ICAM5: variants seen among roughly 807,000 people sequenced by gnomAD.
ICAM5 encodes ICAM-5.
ICAM5 carries 38 observed loss-of-function variants against 78.8 expected under a neutral mutation model. That is an observed-to-expected ratio of 0.48 (90% CI 0.37 to 0.63). The LOEUF (loss-of-function observed/expected upper bound fraction) is 0.63, where lower values mean the gene tolerates loss of function less well. Among genes scored for constraint, ICAM5 ranks in the 30% least tolerant of loss-of-function variants. The pLI is 0.00. For missense variants in ICAM5, 1,059 were observed against 1,303.0 expected (o/e 0.81, Z 2.88); for synonymous variants, 544 against 590.9 (o/e 0.92, Z 1.15).
Position 10,294,234 on chromosome 19 carries a change from A to G in ICAM5, c.1906A>G (p.Arg636Gly), listed in dbSNP as rs778978320. The part of the protein sequence containing the change: ...DPSPRAPRIP[R>G]VLAPGIYVCN... The stretch of plus-strand genomic sequence containing the variant: ...TAGTCCCAGAGCTCCCAGAATCCCT[A>G]GAGTCCTGGCACCCGGTATCTACGT... Residue 636 changes from arginine (R) to glycine (G), a missense_variant, in exon 8 of 11, where the codon AGA becomes GGA. Arg to Gly is a moderately radical substitution (Grantham distance 125). Around this residue, in one of 3 missense-constraint regions of ICAM5, gnomAD observed 815 missense variants for 952.8 expected, o/e 0.86. Transcript: ENST00000221980. The surrounding 1 kb of genome is among the most constrained non-coding windows in gnomAD (Gnocchi z 7.7). 5.0e-6 allele frequency: 8 copies of G among 1,613,768 alleles called. No individual in the cohort carries two copies. In the Admixed American group the frequency reaches 1.2e-4, roughly 24 times the overall value.
chr19:10,291,764 G>A lies in ICAM5; in HGVS notation c.628G>A (p.Gly210Arg), dbSNP rs2040175180. 2 of 1,612,438 alleles carry A rather than the reference G, an allele frequency of 1.2e-6. No homozygotes were observed. Among genetic ancestry groups the A allele is most frequent in the African/African-American group, 1.3e-5 (1 of 74,896 alleles). The change falls in exon 3 of 11, where the codon GGA (glycine) becomes AGA (arginine). Residue 210 changes from glycine to arginine, a missense_variant. Physicochemically the swap from Gly to Arg is moderately radical, Grantham distance 125 (BLOSUM62 -2). Around this residue, in one of 3 missense-constraint regions of ICAM5, gnomAD observed 815 missense variants for 952.8 expected, o/e 0.86. Coordinates refer to ENST00000221980, the MANE Select transcript of ICAM5 (RefSeq NM_003259.4). ...AELDLRPHGLGLFENSSAPRE... is the reference protein window; with the variant it reads ...AELDLRPHGLRLFENSSAPRE... ...GCTGGACCTGCGGCCGCACGGACTGGGACTGTTTGAAAACAGCTCGGCCCC... is the reference window on the plus strand; with the variant it reads ...GCTGGACCTGCGGCCGCACGGACTGAGACTGTTTGAAAACAGCTCGGCCCC...
rs1258819000 is a variant in ICAM5, at chr19:10,296,485, G to A, written c.2644G>A (p.Val882Met). 3 of 1,283,990 alleles carry A rather than the reference G, an allele frequency of 2.3e-6. No homozygotes were observed. The highest frequency in any genetic ancestry group is 3.1e-5 in the African/African-American group (2 of 64,082). The allele number at this position is 1,283,990 out of a possible 1,614,324, so 79.5% of individuals were successfully genotyped here. ...VQEAESSGEA[V>M]CLNGAGGGAG... ...GGAGGCCGAGAGCTCAGGCGAGGCCGTGTGTCTGAACGGAGCGGGCGGCGG... is the reference window on the plus strand; with the variant it reads ...GGAGGCCGAGAGCTCAGGCGAGGCCATGTGTCTGAACGGAGCGGGCGGCGG... Residue 882 changes from valine to methionine, a missense_variant, in exon 11 of 11, where the codon GTG becomes ATG. By Grantham distance (21) the Val-to-Met change is conservative (BLOSUM62 1). This residue lies in a region of ICAM5 where 109 missense variants were observed against 120.0 expected (regional missense o/e 0.91). Coordinates refer to ENST00000221980, the MANE Select transcript of ICAM5 (RefSeq NM_003259.4).
Position 10,292,978 on chromosome 19 carries a change from A to G in ICAM5, c.1217-20A>G. Reference sequence around the variant, plus strand: ...CATTTCTTACGTCTAAGCCTCTGTAACCCCACGCCCTGCCCGCAGACGCTC... The same window carrying G: ...CATTTCTTACGTCTAAGCCTCTGTAGCCCCACGCCCTGCCCGCAGACGCTC... On this transcript the variant is annotated intron_variant, in intron 5 of 10. Coordinates refer to ENST00000221980, the MANE Select transcript of ICAM5 (RefSeq NM_003259.4). 2 of 1,610,366 alleles carry G rather than the reference A, an allele frequency of 1.2e-6. No homozygotes were observed. Among genetic ancestry groups the G allele is most frequent in the Non-Finnish European group, 1.7e-6 (2 of 1,179,708 alleles).
chr19:10,293,998 C>T lies in ICAM5; in HGVS notation c.1712-42C>T, dbSNP rs1168243743. 1.9e-6 allele frequency: 3 copies of T among 1,593,782 alleles called. No individual in the cohort carries two copies. In the African/African-American group the frequency reaches 4.0e-5, roughly 21 times the overall value. Reference sequence around the variant, plus strand: ...GATCTGTGGGACAACCCCGGCTGGACTTCCTGGCCCCCGTGTGAGCCCCTG... The same window carrying T: ...GATCTGTGGGACAACCCCGGCTGGATTTCCTGGCCCCCGTGTGAGCCCCTG... On this transcript the variant is annotated intron_variant, in intron 7 of 10. Transcript: ENST00000221980. This position sits in a 1 kb window ranked among gnomAD's most constrained non-coding sequence, Gnocchi z 5.0.
chr19:10,295,049 T>A (rs531033540), intron 9 of ICAM5, among the ~76,000 whole-genome samples: 1 of 152,200 alleles, frequency 6.6e-6, no homozygotes, highest in Admixed American at 6.5e-5. Context: ...AGAGTGAGAC[T>A]CTTTCTTAGA....
At chr19:10,291,406 G>C in intron 2 of ICAM5, 65 bp downstream of exon 2, 1 of 1,605,878 alleles carries the variant, frequency 6.2e-7, no homozygotes, top group East Asian at 2.2e-5. Flanking sequence ...CCGCCCCCTG[G>C]GTCCCAGGGT....
chr19:10,292,431 G>A (rs1418234045), intron 4 of ICAM5, 109 bp downstream of exon 4: 9 of 1,398,612 alleles, frequency 6.4e-6, no homozygotes, highest in South Asian at 1.4e-5. Flanking sequence ...TGGCCCGAGG[G>A]GCGGGGCAGG....
chr19:10,290,458 C>T lies in ICAM5; in HGVS notation c.82+333C>T, dbSNP rs1360277448. 3 of 286,588 alleles carry T rather than the reference C, an allele frequency of 1.0e-5. No individual in the cohort carries two copies. Among genetic ancestry groups the T allele is most frequent in the Non-Finnish European group, 2.0e-5 (3 of 153,628 alleles). 17.8% of individuals were successfully genotyped at this position (286,588 alleles called of 1,614,324 possible). A position where few individuals can be genotyped will look rare whatever the true frequency, so the allele number is the denominator to read the frequency against. ...CATGGTCCACGGACTGGCATCTTCC[C>T]CACTCGCGGTCCGCGAAGACTCCAT... On this transcript the variant is annotated intron_variant, in intron 1 of 10. Coordinates refer to ENST00000221980, the MANE Select transcript of ICAM5 (RefSeq NM_003259.4). This position sits in a 1 kb window ranked among gnomAD's most constrained non-coding sequence, Gnocchi z 5.7.
chr19:10,294,475 G>A lies in ICAM5; in HGVS notation c.2065G>A (p.Ala689Thr). The A allele has an allele frequency of 6.2e-7, 1 of 1,608,108 alleles. No individual in the cohort carries two copies. Among genetic ancestry groups the A allele is most frequent in the Non-Finnish European group, 8.5e-7 (1 of 1,176,516 alleles). Residue 689 changes from alanine (A) to threonine (T), a missense_variant, in exon 9 of 11, where the codon GCC becomes ACC. Physicochemically the swap from Ala to Thr is moderately conservative, Grantham distance 58. Around this residue, in one of 3 missense-constraint regions of ICAM5, gnomAD observed 815 missense variants for 952.8 expected, o/e 0.86. Coordinates refer to ENST00000221980, the MANE Select transcript of ICAM5 (RefSeq NM_003259.4). This position sits in a 1 kb window ranked among gnomAD's most constrained non-coding sequence, Gnocchi z 7.7. Reference protein sequence around the residue: ...WLEGAEASALACAARGRPSPG... With the variant: ...WLEGAEASALTCAARGRPSPG... ...GGAAGGGGCTGAGGCTTCCGCGCTG[G>A]CCTGCGCCGCCCGGGGTCGCCCTTC...
rs1311510271 is a variant in ICAM5, at chr19:10,293,041, G to A, written c.1260G>A (p.Thr420=). ...ATTCGGACTGCCCCAGGAGTTGGAC[G>A]TGGCCCGAGGGCCCAGAGCAGACGC... ...LDDSDCPRSW[T]WPEGPEQTLR... is the part of the protein sequence containing the mutation. Residue 420 remains threonine, a synonymous_variant, in exon 6 of 11, where the codon ACG becomes ACA. Transcript: ENST00000221980. This position sits in a 1 kb window ranked among gnomAD's most constrained non-coding sequence, Gnocchi z 5.0. 2 of 1,610,710 alleles carry A rather than the reference G, an allele frequency of 1.2e-6. No homozygotes were observed. Among genetic ancestry groups the A allele is most frequent in the East Asian group, 2.2e-5 (1 of 44,886 alleles).
Position 10,293,953 on chromosome 19 carries a change from G to C in ICAM5, c.1711+10G>C. The C allele has an allele frequency of 6.2e-7, 1 of 1,610,876 alleles. No homozygotes were observed. Among genetic ancestry groups the C allele is most frequent in the South Asian group, 1.1e-5 (1 of 90,960 alleles). On this transcript the variant is annotated intron_variant, in intron 7 of 10. Transcript: ENST00000221980. The surrounding 1 kb of genome is among the most constrained non-coding windows in gnomAD (Gnocchi z 5.0). Reference sequence around the variant, plus strand: ...GCCGTCACGGTGGAATGTGAGTAGGGGCACCGCGGAGTTAGGCAGGATCTG... The same window carrying C: ...GCCGTCACGGTGGAATGTGAGTAGGCGCACCGCGGAGTTAGGCAGGATCTG...
chr19:10,295,980 G>T (rs897405822), intron 10 of ICAM5, among the ~76,000 whole-genome samples: 3 of 152,120 alleles, frequency 2.0e-5, no homozygotes, highest in Non-Finnish European at 4.4e-5. Context: ...GAGGGGTCAA[G>T]ATCGCCTTCT....
rs751848482 is a variant in ICAM5 at position 10,292,018 on chromosome 19, G to A, written c.674-17G>A. ...GAGCGCTCGGAGTTAGTTCAAACTT[G>A]GTTCTTCGACCCCTAGCCCTGTCTC... On this transcript the variant is annotated splice_polypyrimidine_tract_variant and intron_variant, in intron 3 of 10. Transcript: ENST00000221980. 2.6e-5 allele frequency: 41 copies of A among 1,607,724 alleles called. No homozygotes were observed.
At position 10,296,637 on chromosome 19, in the gene ICAM5, G is replaced by T; in HGVS notation, c.*21G>T. ...CGTGAGCCCGCTCCCCTCTCCCCGCGGGCCGGGGGACGCCCCCCAGACTCA... is the reference window on the plus strand; with the variant it reads ...CGTGAGCCCGCTCCCCTCTCCCCGCTGGCCGGGGGACGCCCCCCAGACTCA... On this transcript the variant is annotated 3_prime_UTR_variant, in exon 11 of 11. Transcript: ENST00000221980. 1 of 1,208,972 alleles carries T rather than the reference G, an allele frequency of 8.3e-7. No homozygotes were observed. The allele number at this position is 1,208,972 out of a possible 1,614,324, so 74.9% of individuals were successfully genotyped here.
chr19:10,292,452 G>A, intron 4 of ICAM5, 130 bp downstream of exon 4: 1 of 1,364,678 alleles, frequency 7.3e-7, no homozygotes, highest in Non-Finnish European at 9.9e-7. Flanking sequence ...TGGGGGCGGA[G>A]ACGTAATCGC....
intron 4 of ICAM5, 123 bp downstream of exon 4, chr19:10,292,445 G>A: frequency 7.4e-7 from 1 of 1,356,532 alleles, no homozygotes; most frequent in South Asian, 1.4e-5. Context: ...GGGCAGGTGG[G>A]GGCGGAGACG....
chr19:10,293,197 G>A lies in ICAM5; in HGVS notation c.1416G>A (p.Ala472=). ...RALSGTYRCK[A]ANDQGEAVKD... ...TCTCAGGCACTTACCGCTGCAAGGC[G>A]GCCAATGATCAAGGCGAGGCGGTCA... The change falls in exon 6 of 11, where the codon GCG becomes GCA. Residue 472 remains alanine (A), a synonymous_variant. Coordinates refer to ENST00000221980, the MANE Select transcript of ICAM5 (RefSeq NM_003259.4). The surrounding 1 kb of genome is among the most constrained non-coding windows in gnomAD (Gnocchi z 5.0). The A allele has an allele frequency of 2.5e-6, 4 of 1,608,420 alleles. No homozygotes were observed. Among genetic ancestry groups the A allele is most frequent in the Non-Finnish European group, 3.4e-6 (4 of 1,177,654 alleles).
At chr19:10,295,313 G>A in intron 9 of ICAM5, 33 bp from the exon 10 acceptor site, 2 of 1,492,280 alleles carry the variant, frequency 1.3e-6, no homozygotes, top group Non-Finnish European at 1.8e-6. Flanking sequence ...CTGGGCCGGC[G>A]CTAAGCCCCA....
chr19:10,295,734 GAGT>G (rs974033565), intron 10 of ICAM5, 122 bp downstream of exon 10: 7 of 1,178,420 alleles, frequency 5.9e-6, no homozygotes, highest in Non-Finnish European at 8.1e-6. Context: ...AAGTGGGACA[GAGT>G]AGAAGTCAAA....
Sources: allele counts gnomAD v4.1 joint callset (sites outside exome capture counted in the v4.1 genomes callset), GRCh38; gene constraint gnomAD v4.1.1; regional missense constraint gnomAD v4.1.1; non-coding constraint Gnocchi (gnomAD v3.1); transcripts MANE v1.5; gene names NCBI Gene and HGNC (gene_info 2026-07-23, HGNC 2026-07-21).